The following OCA2 variants were observed in gnomAD, a reference collection of about 807,000 sequenced individuals.
OCA2 encodes the protein P protein.
A neutral mutation model predicts 100.2 loss-of-function variants in OCA2; 77 were observed. That is an observed-to-expected ratio of 0.77 (90% confidence interval 0.64 to 0.93). The LOEUF (loss-of-function observed/expected upper bound fraction) is 0.93. OCA2 is among the 40% of genes least tolerant of loss of function. OCA2 has a pLI of 0.00. For missense variants in OCA2, 1,062 were observed against 1,089.1 expected (o/e 0.98, Z 0.35); for synonymous variants, 432 against 439.2 (o/e 0.98, Z 0.21).
At chr15:28,064,842 T>C (rs1483782609) in intron 2 of OCA2, among the ~76,000 whole-genome samples, 1 of 148,108 alleles carries the variant, frequency 6.8e-6, no homozygotes, top group Non-Finnish European at 1.5e-5. Context: ...TTTGTTTCTT[T>C]GTATGTCTTG....
intron 21 of OCA2, among the ~76,000 whole-genome samples, chr15:27,854,622 G>C (rs991583204): frequency 3.9e-5 from 6 of 152,224 alleles, no homozygotes; most frequent in African/African-American, 1.4e-4. Flanking sequence ...CTTTGCTTTT[G>C]TTGTCTTATG....
At chr15:28,098,050 AT>A (rs1311107356) in intron 1 of OCA2, among the ~76,000 whole-genome samples, 1 of 152,150 alleles carries the variant, frequency 6.6e-6, no homozygotes, top group East Asian at 1.9e-4. Context: ...TATTCCTGAT[AT>A]CCTCAGATCT....
chr15:27,938,354 C>T lies in OCA2; in HGVS notation c.1952-12100G>A, dbSNP rs142508367. Among the ~76,000 whole-genome samples, 134 of 152,308 alleles carry T rather than the reference C, an allele frequency of 8.8e-4. 2 individuals are homozygous for T. Among genetic ancestry groups the T allele is most frequent in the South Asian group, 2.9e-3 (14 of 4,828 alleles). On this transcript the variant is annotated intron_variant, in intron 18 of 23. Transcript: ENST00000354638. Reference sequence around the variant, plus strand: ...TAAGCATCCACCCTGTCTCACCAGGCGGCATTCTAGCCCTTCTGCCCACAA... The same window carrying T: ...TAAGCATCCACCCTGTCTCACCAGGTGGCATTCTAGCCCTTCTGCCCACAA...
intron 19 of OCA2, among the ~76,000 whole-genome samples, chr15:27,888,254 C>A (rs1199725523): frequency 6.6e-6 from 1 of 152,124 alleles, no homozygotes; most frequent in African/African-American, 2.4e-5. Context: ...AAAATTAAAT[C>A]TTCATTTGAA....
intron 14 of OCA2, among the ~76,000 whole-genome samples, chr15:27,979,571 C>CTGGAGTGCAGTGGCGCA (rs2041078153): frequency 6.6e-6 from 1 of 152,034 alleles, no homozygotes; most frequent in African/African-American, 2.4e-5. Context: ...TCTTTGTTGG[C>CTGGAGTGCAGTGGCGCA]ATTAGCTGTT....
the OCA2 span, among the ~76,000 whole-genome samples, chr15:27,749,227 G>A: frequency 6.6e-6 from 1 of 152,168 alleles, no homozygotes; most frequent in Non-Finnish European, 1.5e-5. Context: ...AAGAGGAAAT[G>A]ACAACTTATC....
At position 28,033,335 on chromosome 15, in the gene OCA2, C is replaced by T. The variant is rs557690823; in HGVS notation, c.228-1172G>A. Among the ~76,000 whole-genome samples the T allele has an allele frequency of 4.6e-5, 7 of 152,274 alleles. No homozygotes were observed. The South Asian group carries it at 1.2e-3, about 27-fold the overall frequency. Reference sequence around the variant, plus strand: ...GCTGTAGATGCTATGAAACATTCACCTAGGGAAATAACAGTAATTCTTTCT... The same window carrying T: ...GCTGTAGATGCTATGAAACATTCACTTAGGGAAATAACAGTAATTCTTTCT... On this transcript the variant is annotated intron_variant, in intron 2 of 23. Transcript: ENST00000354638.
At chr15:27,732,952 A>C in the OCA2 span, among the ~76,000 whole-genome samples, 1 of 152,230 alleles carries the variant, frequency 6.6e-6, no homozygotes, top group South Asian at 2.1e-4. Context: ...TCATCTGTCC[A>C]TTACAGAAAA....
intron 23 of OCA2, among the ~76,000 whole-genome samples, chr15:27,769,355 TC>T (rs1484466450): frequency 1.3e-5 from 2 of 152,228 alleles, no homozygotes; most frequent in African/African-American, 4.8e-5. Flanking sequence ...CACACAGTTC[TC>T]TAAGGAACCA....
chr15:28,079,731 G>C (rs77510635), intron 2 of OCA2, among the ~76,000 whole-genome samples: 2 of 152,150 alleles, frequency 1.3e-5, no homozygotes, highest in Non-Finnish European at 2.9e-5. Context: ...ACTCAGCCTA[G>C]GTAGTTGCCA....
At chr15:27,952,308 T>G (rs1376722028) in intron 17 of OCA2, among the ~76,000 whole-genome samples, 1 of 152,206 alleles carries the variant, frequency 6.6e-6, no homozygotes, top group East Asian at 1.9e-4. Flanking sequence ...TTACACGACA[T>G]GCATGAGGCC....
intron 15 of OCA2, among the ~76,000 whole-genome samples, chr15:27,962,615 AAGTT>A (rs1207145257): frequency 6.6e-6 from 1 of 152,214 alleles, no homozygotes; most frequent in Non-Finnish European, 1.5e-5. Context: ...ATATCGCTCA[AAGTT>A]AGTGGTATAA....
chr15:27,774,488 G>A (rs1595388704), intron 23 of OCA2, among the ~76,000 whole-genome samples: 2 of 152,358 alleles, frequency 1.3e-5, no homozygotes, highest in South Asian at 4.1e-4. Flanking sequence ...ATGTGGTGCA[G>A]GCAGCTTCTT....
Position 27,992,390 on chromosome 15 carries a change from G to A in OCA2, c.1045-1743C>T, listed in dbSNP as rs570311739. Among the ~76,000 whole-genome samples, 7 of 152,226 alleles carry A rather than the reference G, an allele frequency of 4.6e-5. No homozygotes were observed. In the South Asian group the frequency reaches 1.0e-3, roughly 23 times the overall value. ...GCTGGGATTATAGGCATGAGCCACC[G>A]CGCCCAGCCAGTTTAGGACCCATTT... is the stretch of plus-strand genomic sequence containing the variant. On this transcript the variant is annotated intron_variant, in intron 9 of 23. Transcript: ENST00000354638.
chr15:27,853,872 C>T (rs778211004), intron 21 of OCA2, among the ~76,000 whole-genome samples: 4 of 152,160 alleles, frequency 2.6e-5, no homozygotes, highest in Non-Finnish European at 4.4e-5. Flanking sequence ...AAACAGAAAG[C>T]GGACCCCAGT....
At position 27,755,253 on chromosome 15, in the gene OCA2, T is replaced by C; in HGVS notation, c.*135A>G. On this transcript the variant is annotated 3_prime_UTR_variant, in exon 24 of 24. Transcript: ENST00000354638. The stretch of plus-strand genomic sequence containing the variant: ...ATTAGAGTGTTAGTGTCAAGGTCTA[T>C]TCCACTGTGTCTCTGTAGCATCTCC... The C allele has an allele frequency of 1.4e-6, 1 of 702,178 alleles. No individual in the cohort carries two copies. Among genetic ancestry groups the C allele is most frequent in the Non-Finnish European group, 2.6e-6 (1 of 381,138 alleles). 43.5% of individuals were successfully genotyped at this position (702,178 alleles called of 1,614,324 possible). A position where few individuals can be genotyped will look rare whatever the true frequency, so the allele number is the denominator to read the frequency against.
At chr15:28,003,206 G>T (rs1254531420) in intron 9 of OCA2, among the ~76,000 whole-genome samples, 3 of 152,254 alleles carry the variant, frequency 2.0e-5, no homozygotes, top group Non-Finnish European at 2.9e-5. Context: ...AAAGCTTTCT[G>T]CTCAGAAGCT....
At chr15:27,994,880 G>T (rs545226599) in intron 9 of OCA2, among the ~76,000 whole-genome samples, 1 of 152,222 alleles carries the variant, frequency 6.6e-6, no homozygotes, top group African/African-American at 2.4e-5. Context: ...CCAGATAGGT[G>T]GGATACCGAG....
chr15:27,726,392 C>A, the OCA2 span, among the ~76,000 whole-genome samples: 1 of 152,048 alleles, frequency 6.6e-6, no homozygotes, highest in Non-Finnish European at 1.5e-5. Flanking sequence ...ACATCTTCCT[C>A]TTGTTAAAAA....
Sources: gnomAD v4.1 joint callset for allele counts (sites outside exome capture counted in the v4.1 genomes callset) on GRCh38, gnomAD v4.1.1 for gene constraint, MANE v1.5 for transcripts, NCBI Gene and HGNC (gene_info 2026-07-23, HGNC 2026-07-21) for gene names.